The following SEMA4F variants were observed in gnomAD, a reference collection of about 807,000 sequenced individuals.
The protein encoded by SEMA4F is semaphorin-4F.
In SEMA4F, 51 loss-of-function variants were observed where a neutral mutation model predicts 78.4. The observed-to-expected ratio is 0.65, with a 90% CI of 0.52 to 0.82. The LOEUF is 0.82. Among genes scored for constraint, SEMA4F ranks in the 40% least tolerant of loss-of-function variants. The pLI is 0.00. For synonymous variants in SEMA4F, 418 were observed against 408.7 expected (o/e 1.02, Z -0.27); for missense variants, 938 against 1,014.4 (o/e 0.92, Z 1.02).
chr2:74,703,210 G>A, the SEMA4F span, among the ~76,000 whole-genome samples: 10 of 152,144 alleles, frequency 6.6e-5, no homozygotes, highest in African/African-American at 1.2e-4. Context: ...GGGACCTAAC[G>A]TCATCTTCTG....
chr2:74,665,355 G>A lies in SEMA4F; in HGVS notation c.550+2530G>A, dbSNP rs771984902. Among the ~76,000 whole-genome samples, 6 of 150,188 alleles carry A rather than the reference G, an allele frequency of 4.0e-5. No homozygotes were observed. In the Admixed American group the frequency reaches 4.0e-4, roughly 10 times the overall value. ...CACCATTCTCCTGCCTCAGCCTCCCGAGTAGCTGGGACTACAGGCGCGTGT... is the reference window on the plus strand; with the variant it reads ...CACCATTCTCCTGCCTCAGCCTCCCAAGTAGCTGGGACTACAGGCGCGTGT... On this transcript the variant is annotated intron_variant, in intron 5 of 13. Coordinates refer to ENST00000357877, the MANE Select transcript of SEMA4F (RefSeq NM_004263.5).
rs1308786795 is a variant in SEMA4F, at chr2:74,675,044, G to A, written c.1149+9G>A. 10 of 1,613,958 alleles carry A rather than the reference G, an allele frequency of 6.2e-6. No homozygotes were observed. The East Asian group carries it at 2.2e-4, about 36-fold the overall frequency. On this transcript the variant is annotated intron_variant, in intron 9 of 13. Transcript: ENST00000357877. ...AGCCCAGACCTGGAGAGGTGAGGGGGCAGATCTTCATTCTAGGCCTGAAGT... is the reference window on the plus strand; with the variant it reads ...AGCCCAGACCTGGAGAGGTGAGGGGACAGATCTTCATTCTAGGCCTGAAGT...
chr2:74,694,906 G>A, the SEMA4F span, among the ~76,000 whole-genome samples: 146 of 152,280 alleles, frequency 9.6e-4, 1 homozygote, highest in African/African-American at 3.3e-3. Flanking sequence ...TGGATGTGCT[G>A]CAGTTTATTT....
the SEMA4F span, among the ~76,000 whole-genome samples, chr2:74,690,359 T>G: frequency 1.3e-5 from 2 of 152,250 alleles, no homozygotes; most frequent in East Asian, 3.8e-4. Context: ...TTTGATTTAC[T>G]GTCTTATTTA....
intron 1 of SEMA4F, among the ~76,000 whole-genome samples, chr2:74,655,818 C>A (rs1684104326): frequency 6.6e-6 from 1 of 152,014 alleles, no homozygotes; most frequent in Non-Finnish European, 1.5e-5. Context: ...CTCATCAGTA[C>A]ATCTAGGAAT....
the SEMA4F span, among the ~76,000 whole-genome samples, chr2:74,704,043 G>T: frequency 6.6e-6 from 1 of 152,236 alleles, no homozygotes; most frequent in East Asian, 1.9e-4. Flanking sequence ...GAGAAGACAG[G>T]CAGGATGTGT....
rs1684253074 is a variant in SEMA4F, at chr2:74,658,123, A to G, written c.456+172A>G. Among the ~76,000 whole-genome samples the G allele has an allele frequency of 6.6e-6, 1 of 151,998 alleles. No individual in the cohort carries two copies. The highest frequency in any genetic ancestry group is 1.5e-5 in the Non-Finnish European group (1 of 68,012). On this transcript the variant is annotated intron_variant, in intron 4 of 13. Coordinates refer to ENST00000357877, the MANE Select transcript of SEMA4F (RefSeq NM_004263.5). This position sits in a 1 kb window ranked among gnomAD's most constrained non-coding sequence, Gnocchi z 4.3. ...GTGTAGGGGCTGTCCTCATGGGATG[A>G]GGGTATGTGTAAGCCACTGAGGGAG... is the stretch of plus-strand genomic sequence containing the variant.
chr2:74,687,825 T>A (rs1685852005), downstream of SEMA4F, among the ~76,000 whole-genome samples: 1 of 152,202 alleles, frequency 6.6e-6, no homozygotes, highest in Non-Finnish European at 1.5e-5. Context: ...TGGACCCTTC[T>A]TTGCTTTGGG....
chr2:74,690,766 G>A, the SEMA4F span, among the ~76,000 whole-genome samples: 1 of 152,168 alleles, frequency 6.6e-6, no homozygotes, highest in Non-Finnish European at 1.5e-5. Flanking sequence ...GATGCAGTAG[G>A]TGTCGCTTTT....
chr2:74,701,045 G>T, the SEMA4F span, among the ~76,000 whole-genome samples: 1 of 152,058 alleles, frequency 6.6e-6, no homozygotes, highest in African/African-American at 2.4e-5. Context: ...GATATTTGGG[G>T]ATCTCTGATG....
rs79470185 is a variant in SEMA4F, at chr2:74,678,897, A to G, written c.1644-379A>G. On this transcript the variant is annotated intron_variant, in intron 12 of 13. Transcript: ENST00000357877. ...TTTGCTCTTTCTCTTAAATAAGAGA[A>G]AAAAAAATCCCTATAGTTTTTATCC... 4.5e-4 allele frequency among the ~76,000 whole-genome samples: 69 copies of G among 152,300 alleles called. 4 individuals carry two copies. The East Asian group carries it at 0.013, about 28-fold the overall frequency.
At chr2:74,666,001 A>G (rs552675771) in intron 5 of SEMA4F, among the ~76,000 whole-genome samples, 2 of 151,658 alleles carry the variant, frequency 1.3e-5, no homozygotes, top group African/African-American at 4.8e-5. Context: ...TTCGTCTCAC[A>G]GGTTCAAGTG....
At chr2:74,707,314 T>C in the SEMA4F span, among the ~76,000 whole-genome samples, 1 of 152,228 alleles carries the variant, frequency 6.6e-6, no homozygotes, top group Non-Finnish European at 1.5e-5. Context: ...TATTCTTAAA[T>C]GGCTAGGCAA....
rs1355247710 is a variant in SEMA4F at position 74,674,426 on chromosome 2, T to A, written c.823-72T>A. The stretch of plus-strand genomic sequence containing the variant: ...CTGCCCTGAAGTCAGGGAGGAAACT[T>A]AAATTGGTCTCCATGCTCCTTGCCC... On this transcript the variant is annotated intron_variant, in intron 7 of 13. Transcript: ENST00000357877. 22 of 1,434,282 alleles carry A rather than the reference T, an allele frequency of 1.5e-5. No homozygotes were observed. The South Asian group carries it at 1.7e-4, about 11-fold the overall frequency. The allele number at this position is 1,434,282 out of a possible 1,614,324, so 88.8% of individuals were successfully genotyped here.
rs1685610363 is a variant in SEMA4F, at chr2:74,681,438, C to G, written c.*1229C>G. The stretch of plus-strand genomic sequence containing the variant: ...GAGGCCAAGTTAGGATGGCATCACT[C>G]TGTGGCAGCTCTCCCTGGACTTGCC... On this transcript the variant is annotated 3_prime_UTR_variant, in exon 14 of 14. Transcript: ENST00000357877. 6.5e-6 allele frequency: 1 copy of G among 152,678 alleles called. No individual in the cohort carries two copies. The highest frequency in any genetic ancestry group is 2.4e-5 in the African/African-American group (1 of 41,456). 9.5% of individuals were successfully genotyped at this position (152,678 alleles called of 1,614,324 possible).
At chr2:74,708,220 T>C in the SEMA4F span, among the ~76,000 whole-genome samples, 50 of 152,064 alleles carry the variant, frequency 3.3e-4, no homozygotes, top group African/African-American at 1.2e-3. Context: ...AAAATATATA[T>C]AGGAATCCAA....
the SEMA4F span, among the ~76,000 whole-genome samples, chr2:74,689,599 AAAAATC>A: frequency 5.3e-5 from 8 of 152,236 alleles, no homozygotes; most frequent in Non-Finnish European, 1.2e-4. Context: ...ATGTTGGGAA[AAAAATC>A]AATTATTCAA....
intron 3 of SEMA4F, 79 bp from the exon 4 acceptor site, chr2:74,657,774 C>T: frequency 3.5e-6 from 5 of 1,430,882 alleles, no homozygotes; most frequent in South Asian, 1.1e-5. Context: ...CCCAAAGCTG[C>T]ATCTAACTGT....
In SEMA4F at chr2:74,680,306, C is replaced by CT; in HGVS notation, c.*98dup. ...TGGGCCTGGAAGACCATCCCAGCCT[C>CT]TGAGTTCTCTTTGAGTATGAGTGAT... On this transcript the variant is annotated 3_prime_UTR_variant, in exon 14 of 14. Transcript: ENST00000357877. 2 of 1,385,310 alleles carry CT rather than the reference C, an allele frequency of 1.4e-6. No individual in the cohort carries two copies. The highest frequency in any genetic ancestry group is 1.4e-5 in the South Asian group (1 of 69,276). The allele number at this position is 1,385,310 out of a possible 1,614,324, so 85.8% of individuals were successfully genotyped here.
Sources: allele counts gnomAD v4.1 joint callset (sites outside exome capture counted in the v4.1 genomes callset), GRCh38; gene constraint gnomAD v4.1.1; non-coding constraint Gnocchi (gnomAD v3.1); transcripts MANE v1.5; gene names NCBI Gene and HGNC (gene_info 2026-07-23, HGNC 2026-07-21).